The following PKNOX2 variants were observed in gnomAD, a reference collection of about 807,000 sequenced individuals.
PKNOX2 encodes the protein PBX/knotted 1 homeobox 2.
A neutral mutation model predicts 53.1 loss-of-function variants in PKNOX2; 14 were observed. The ratio of observed to expected loss-of-function variants is 0.26; its 90% CI spans 0.17 to 0.41. PKNOX2 has a LOEUF of 0.41. Among genes scored for constraint, PKNOX2 ranks in the 10% least tolerant of loss-of-function variants. The pLI, the probability that PKNOX2 is intolerant of heterozygous loss-of-function variation, is 1.00. For synonymous variants in PKNOX2, 257 were observed against 242.8 expected (o/e 1.06, Z -0.54); for missense variants, 496 against 602.8 (o/e 0.82, Z 1.85).
At chr11:125,234,073 G>A (rs540046307) in intron 1 of PKNOX2, among the ~76,000 whole-genome samples, 21 of 151,950 alleles carry the variant, frequency 1.4e-4, no homozygotes, top group South Asian at 2.1e-4. Flanking sequence ...GATAGCCCCC[G>A]TCTTTGGAAT....
At chr11:125,189,413 ATG>A (rs776327891) in intron 1 of PKNOX2, among the ~76,000 whole-genome samples, 1,769 of 64,558 alleles carry the variant, frequency 0.027, 57 homozygotes, top group Non-Finnish European at 0.033. Context: ...GTATATATAT[ATG>A]TGTGTGTGTG....
At chr11:125,364,508 C>A (rs1353703819) in intron 4 of PKNOX2, among the ~76,000 whole-genome samples, 1 of 152,192 alleles carries the variant, frequency 6.6e-6, no homozygotes, top group Non-Finnish European at 1.5e-5. Flanking sequence ...CCTCCTTCAT[C>A]CCTCTTCATC....
intron 2 of PKNOX2, among the ~76,000 whole-genome samples, chr11:125,250,365 T>C (rs1395482996): frequency 1.3e-5 from 2 of 152,222 alleles, no homozygotes; most frequent in Non-Finnish European, 2.9e-5. Context: ...ATGAACTCCA[T>C]GTACTCATTA....
intron 2 of PKNOX2, among the ~76,000 whole-genome samples, chr11:125,295,795 T>C (rs575844259): frequency 3.3e-5 from 5 of 152,186 alleles, no homozygotes; most frequent in Non-Finnish European, 7.4e-5. Context: ...CTCGTCTGTA[T>C]CGTTTCGGCA....
In PKNOX2 at chr11:125,367,948, C is replaced by G; in HGVS notation, c.190C>G (p.Gln64Glu). The part of the protein sequence containing the change: ...TPVPSAPIDP[Q>E]AQLEADKRAV... ...TGTGCCCAGTGCCCCCATCGACCCC[C>G]AGGCCCAGCTGGAGGCTGACAAGCG... Residue 64 changes from glutamine to glutamate, a missense_variant, in exon 5 of 13, where the codon CAG becomes GAG. By Grantham distance (29) the Gln-to-Glu change is conservative (BLOSUM62 2). Around this residue, in one of 5 missense-constraint regions of PKNOX2, gnomAD observed 168 missense variants for 178.4 expected, o/e 0.94. Coordinates refer to ENST00000298282, the MANE Select transcript of PKNOX2 (RefSeq NM_001382323.2). The G allele has an allele frequency of 1.1e-5, 17 of 1,613,376 alleles. No homozygotes were observed. Among genetic ancestry groups the G allele is most frequent in the Non-Finnish European group, 1.4e-5 (16 of 1,179,662 alleles).
At chr11:125,300,073 C>T (rs933784206) in intron 2 of PKNOX2, among the ~76,000 whole-genome samples, 1 of 152,234 alleles carries the variant, frequency 6.6e-6, no homozygotes, top group African/African-American at 2.4e-5. Context: ...CAACCAGCAT[C>T]CTGCACCTGT....
At chr11:125,236,259 G>C (rs866618585) in intron 2 of PKNOX2, among the ~76,000 whole-genome samples, 1 of 152,036 alleles carries the variant, frequency 6.6e-6, no homozygotes, top group Non-Finnish European at 1.5e-5. Context: ...TGTGATTGAC[G>C]GGCCTGGGCT....
chr11:125,431,178 T>A lies in PKNOX2; in HGVS notation c.1205T>A (p.Leu402Ter). 2 of 1,613,590 alleles carry A rather than the reference T, an allele frequency of 1.2e-6. No homozygotes were observed. Among genetic ancestry groups the A allele is most frequent in the Non-Finnish European group, 1.7e-6 (2 of 1,179,816 alleles). Residue 402 changes from leucine (L) to a stop codon, truncating the protein, a stop_gained, in exon 13 of 13, where the codon TTG (leucine) becomes TAG (stop). Transcript: ENST00000298282. LOFTEE classifies it high-confidence loss of function. ...CTTTCTCTCGCAGGTTCCATCAACTTGGACAACCTGCAGTCCCTGTCCTCA... is the reference window on the plus strand; with the variant it reads ...CTTTCTCTCGCAGGTTCCATCAACTAGGACAACCTGCAGTCCCTGTCCTCA... Reference protein sequence around the residue: ...PGTNPDGSINLDNLQSLSSDS... With the variant: ...PGTNPDGSIN
At chr11:125,220,402 T>C (rs1320786785) in intron 1 of PKNOX2, among the ~76,000 whole-genome samples, 2 of 151,710 alleles carry the variant, frequency 1.3e-5, no homozygotes, top group Non-Finnish European at 1.5e-5. Context: ...AATTATAGAG[T>C]GGCAGTGGAG....
intron 2 of PKNOX2, among the ~76,000 whole-genome samples, chr11:125,269,213 G>A (rs1020362229): frequency 5.3e-5 from 8 of 152,026 alleles, no homozygotes; most frequent in African/African-American, 1.7e-4. Context: ...CAAAAACCTC[G>A]ATAACGCTTG....
At chr11:125,385,834 C>A in intron 6 of PKNOX2, 112 bp downstream of exon 6, 3 of 1,302,106 alleles carry the variant, frequency 2.3e-6, no homozygotes, top group South Asian at 1.5e-5. Context: ...GTTTTGAGTG[C>A]CCACCATGAG....
chr11:125,289,575 C>T (rs1043673253), intron 2 of PKNOX2, among the ~76,000 whole-genome samples: 3 of 152,228 alleles, frequency 2.0e-5, no homozygotes, highest in Admixed American at 2.0e-4. Context: ...ACTTCACTCT[C>T]TCCCTGAGCT....
intron 4 of PKNOX2, among the ~76,000 whole-genome samples, chr11:125,363,932 A>G (rs757172166): frequency 5.9e-5 from 9 of 152,158 alleles, no homozygotes; most frequent in Admixed American, 6.5e-5. Context: ...ACCATGGCCA[A>G]TTTCAAGCTC....
At chr11:125,201,326 C>G (rs1400574752) in intron 1 of PKNOX2, among the ~76,000 whole-genome samples, 2 of 152,090 alleles carry the variant, frequency 1.3e-5, no homozygotes, top group South Asian at 4.1e-4. Context: ...ATGAGCTCTT[C>G]AGAACCTCTG....
chr11:125,393,859 C>A (rs1218799369), intron 6 of PKNOX2, among the ~76,000 whole-genome samples: 1 of 149,324 alleles, frequency 6.7e-6, no homozygotes, highest in African/African-American at 2.5e-5. Flanking sequence ...ACCACGCACC[C>A]TTTATACTAC....
rs1956220028 is a variant in PKNOX2, at chr11:125,422,485, A to G, written c.937-6527A>G. On this transcript the variant is annotated intron_variant, in intron 10 of 12. Transcript: ENST00000298282. This position sits in a 1 kb window ranked among gnomAD's most constrained non-coding sequence, Gnocchi z 4.1. ...CCCAGGAGTGATGTTTGACTGTCGG[A>G]GGCATCCCCTGGTGTAGCGCTGTCC... is the stretch of plus-strand genomic sequence containing the variant. Among the ~76,000 whole-genome samples the G allele has an allele frequency of 6.6e-6, 1 of 152,114 alleles. No homozygotes were observed. The highest frequency in any genetic ancestry group is 6.5e-5 in the Admixed American group (1 of 15,276).
At chr11:125,387,858 T>C (rs973758203) in intron 6 of PKNOX2, among the ~76,000 whole-genome samples, 18 of 152,116 alleles carry the variant, frequency 1.2e-4, no homozygotes, top group Admixed American at 1.1e-3. Flanking sequence ...AAGAGTGCTA[T>C]CTGAGCCTCA....
chr11:125,320,379 G>A (rs1252559687), intron 2 of PKNOX2, among the ~76,000 whole-genome samples: 2 of 152,112 alleles, frequency 1.3e-5, no homozygotes, highest in Non-Finnish European at 2.9e-5. Context: ...TACACCCTAG[G>A]ATCGGTGAGA....
chr11:125,296,811 T>A (rs1199162746), intron 2 of PKNOX2, among the ~76,000 whole-genome samples: 1 of 152,160 alleles, frequency 6.6e-6, no homozygotes, highest in Non-Finnish European at 1.5e-5. Flanking sequence ...AATTTTTGTA[T>A]TTTTAGTAGA....
Sources: gnomAD v4.1 joint callset for allele counts (sites outside exome capture counted in the v4.1 genomes callset) on GRCh38, gnomAD v4.1.1 for gene constraint, gnomAD v4.1.1 regional missense constraint, Gnocchi (gnomAD v3.1) non-coding constraint, MANE v1.5 for transcripts, NCBI Gene and HGNC (gene_info 2026-07-23, HGNC 2026-07-21) for gene names.